SCFD2: variants seen among roughly 807,000 people sequenced by gnomAD.
SCFD2 encodes the protein sec1 family domain-containing protein 2.
SCFD2 carries 54 observed loss-of-function variants against 58.9 expected under a neutral mutation model. That is an observed-to-expected ratio of 0.92 (90% CI 0.74 to 1.15). SCFD2 has a LOEUF of 1.15. Among genes scored for constraint, SCFD2 ranks in the 50% most tolerant of loss-of-function variants. The pLI, the probability that SCFD2 is intolerant of heterozygous loss-of-function variation, is 0.00. For synonymous variants in SCFD2, 321 were observed against 335.9 expected, an observed-to-expected ratio of 0.96 and a Z score of 0.49; for missense variants, 805 against 836.6, an observed-to-expected ratio of 0.96 and a Z score of 0.47.
intron 5 of SCFD2, among the ~76,000 whole-genome samples, chr4:52,931,733 A>T (rs1220548109): frequency 6.6e-6 from 1 of 152,234 alleles, no homozygotes; most frequent in Non-Finnish European, 1.5e-5. Context: ...CCAGTCCAGC[A>T]TCTCAGAGAG....
rs1426316944 is a variant in SCFD2, at chr4:53,174,151, A to G, written c.1312-28569T>C. 2.0e-5 allele frequency among the ~76,000 whole-genome samples: 3 copies of G among 152,274 alleles called. No homozygotes were observed. The East Asian group carries it at 5.8e-4, about 29-fold the overall frequency. On this transcript the variant is annotated intron_variant, in intron 4 of 8. Coordinates refer to ENST00000401642, the MANE Select transcript of SCFD2 (RefSeq NM_152540.4). ...AGGATAAATCTGAAGATATCAACAA[A>G]ACCATGGCAAAGAAATAAAAGACAA...
At chr4:53,247,844 G>A (rs1356670811) in intron 4 of SCFD2, among the ~76,000 whole-genome samples, 4 of 114,690 alleles carry the variant, frequency 3.5e-5, no homozygotes, top group African/African-American at 6.7e-5. Context: ...GTCCAGCCTG[G>A]GCAACAGAGC....
chr4:53,282,865 A>G (rs1731548536), intron 3 of SCFD2, among the ~76,000 whole-genome samples: 1 of 152,182 alleles, frequency 6.6e-6, no homozygotes, highest in Non-Finnish European at 1.5e-5. Context: ...AGAGCGATGG[A>G]TGAGTACTAA....
intron 5 of SCFD2, among the ~76,000 whole-genome samples, chr4:53,069,317 G>T (rs1164971692): frequency 6.6e-6 from 1 of 152,066 alleles, no homozygotes; most frequent in African/African-American, 2.4e-5. Context: ...CCACGACTCT[G>T]AAGGGAAGGA....
intron 4 of SCFD2, among the ~76,000 whole-genome samples, chr4:53,218,697 C>T (rs1460445347): frequency 6.6e-6 from 1 of 152,218 alleles, no homozygotes; most frequent in African/African-American, 2.4e-5. Context: ...AGCTGCATTC[C>T]TTTGGAGGGG....
chr4:53,296,811 G>C (rs1246081871), intron 3 of SCFD2, among the ~76,000 whole-genome samples: 3 of 152,142 alleles, frequency 2.0e-5, no homozygotes, highest in African/African-American at 7.2e-5. Flanking sequence ...TGCTTTAAAA[G>C]TGTCCCAGAG....
chr4:52,874,983 T>C (rs778081828), intron 8 of SCFD2, among the ~76,000 whole-genome samples: 4 of 152,248 alleles, frequency 2.6e-5, no homozygotes, highest in Non-Finnish European at 5.9e-5. Context: ...GATTATCTCA[T>C]TGAATATCCA....
At chr4:53,123,532 T>TGGG (rs11293174) in intron 5 of SCFD2, among the ~76,000 whole-genome samples, 13 of 95,450 alleles carry the variant, frequency 1.4e-4, no homozygotes, top group African/African-American at 5.3e-4. Context: ...GAGATGGGGG[T>TGGG]GGGGGGGGGG....
intron 5 of SCFD2, among the ~76,000 whole-genome samples, chr4:53,010,554 TG>T (rs1230987731): frequency 6.6e-6 from 1 of 152,210 alleles, no homozygotes; most frequent in Non-Finnish European, 1.5e-5. Flanking sequence ...TCCCTGTCCT[TG>T]TGGGCAAGCT....
chr4:53,138,704 T>C (rs1726014769), intron 5 of SCFD2, among the ~76,000 whole-genome samples: 1 of 152,250 alleles, frequency 6.6e-6, no homozygotes, highest in African/African-American at 2.4e-5. Flanking sequence ...TAAAAGAGTA[T>C]GCTGCCATTG....
chr4:52,904,679 G>A (rs1223868265), intron 7 of SCFD2, among the ~76,000 whole-genome samples: 1 of 152,162 alleles, frequency 6.6e-6, no homozygotes, highest in Non-Finnish European at 1.5e-5. Context: ...TTGTGCTAAT[G>A]AGTAACCATG....
chr4:53,083,412 T>TA (rs1475455434), intron 5 of SCFD2, among the ~76,000 whole-genome samples: 1 of 151,974 alleles, frequency 6.6e-6, no homozygotes, highest in African/African-American at 2.4e-5. Context: ...ACTATTTTTT[T>TA]AAAAAAAGAA....
At chr4:53,068,663 T>C (rs1239673861) in intron 5 of SCFD2, among the ~76,000 whole-genome samples, 9 of 152,128 alleles carry the variant, frequency 5.9e-5, no homozygotes, top group African/African-American at 1.7e-4. Context: ...CTTTATTAAG[T>C]ATTCTTCAGC....
At chr4:53,332,633 C>A (rs1261346217) in intron 2 of SCFD2, among the ~76,000 whole-genome samples, 1 of 152,114 alleles carries the variant, frequency 6.6e-6, no homozygotes, top group Non-Finnish European at 1.5e-5. Flanking sequence ...AAACCCACAG[C>A]CAATATCATA....
chr4:53,230,515 C>A (rs1424488214), intron 4 of SCFD2, among the ~76,000 whole-genome samples: 1 of 150,484 alleles, frequency 6.6e-6, no homozygotes, highest in Admixed American at 6.7e-5. Flanking sequence ...AGCAAACTAT[C>A]GCAAGGACAA....
intron 7 of SCFD2, among the ~76,000 whole-genome samples, chr4:52,906,952 A>G (rs954056919): frequency 6.6e-6 from 1 of 152,108 alleles, no homozygotes; most frequent in Non-Finnish European, 1.5e-5. Flanking sequence ...ATTTTGACCC[A>G]CCCCAGATAT....
intron 4 of SCFD2, chr4:53,265,404 A>G (rs972695148): frequency 1.3e-5 from 2 of 152,218 alleles, no homozygotes; most frequent in African/African-American, 4.8e-5. Context: ...CTTAAAAAAT[A>G]TAGTGGGTTT....
intron 4 of SCFD2, among the ~76,000 whole-genome samples, chr4:53,154,940 T>C (rs1434132823): frequency 6.6e-6 from 1 of 152,166 alleles, no homozygotes; most frequent in Non-Finnish European, 1.5e-5. Context: ...CTGTGGAAGC[T>C]GGAAAGAGCA....
At position 53,129,841 on chromosome 4, in the gene SCFD2, C is replaced by T. The variant is rs181484035; in HGVS notation, c.1561+15492G>A. Among the ~76,000 whole-genome samples the T allele has an allele frequency of 2.2e-3, 334 of 152,282 alleles. 1 individual carries two copies. Among genetic ancestry groups the T allele is most frequent in the South Asian group, 4.4e-3 (21 of 4,826 alleles). On this transcript the variant is annotated intron_variant, in intron 5 of 8. Transcript: ENST00000401642. Reference sequence around the variant, plus strand: ...ATTCTAGGCACTGGTGGCCTTAATACACCAACTGCAAAACACATGCAAAAC... The same window carrying T: ...ATTCTAGGCACTGGTGGCCTTAATATACCAACTGCAAAACACATGCAAAAC...
Sources: gnomAD v4.1 joint callset for allele counts (sites outside exome capture counted in the v4.1 genomes callset) on GRCh38, gnomAD v4.1.1 for gene constraint, MANE v1.5 for transcripts, NCBI Gene and HGNC (gene_info 2026-07-23, HGNC 2026-07-21) for gene names.